The following PPHLN1 variants were observed in gnomAD, a reference collection of about 807,000 sequenced individuals.
PPHLN1 encodes periphilin 1.
In PPHLN1, 29 loss-of-function variants were observed where a neutral mutation model predicts 51.3. That is an observed-to-expected ratio of 0.57 (90% CI 0.42 to 0.77). The LOEUF is 0.77. Ranked by LOEUF, PPHLN1 falls within the 30% of genes least tolerant of loss-of-function variation. The pLI, the probability that PPHLN1 is intolerant of heterozygous loss-of-function variation, is 0.00. For missense variants in PPHLN1, 436 were observed against 438.4 expected (o/e 0.99, Z 0.05); for synonymous variants, 147 against 147.8 (o/e 0.99, Z 0.04).
chr12:42,427,832 G>A (rs1477463755), intron 9 of PPHLN1, among the ~76,000 whole-genome samples: 4 of 152,020 alleles, frequency 2.6e-5, no homozygotes, highest in African/African-American at 9.7e-5. Context: ...AACCCACAGA[G>A]TGGGAGAAGA....
chr12:42,417,192 C>T (rs894275316), intron 9 of PPHLN1, among the ~76,000 whole-genome samples: 1 of 151,960 alleles, frequency 6.6e-6, no homozygotes, highest in Non-Finnish European at 1.5e-5. Flanking sequence ...CTTTTGGGCA[C>T]TTGTGAAAGA....
At chr12:42,366,316 C>T (rs2075271299) in intron 4 of PPHLN1, among the ~76,000 whole-genome samples, 1 of 150,748 alleles carries the variant, frequency 6.6e-6, no homozygotes, top group Non-Finnish European at 1.5e-5. Flanking sequence ...CAGCTTTCAC[C>T]TCCCAGGTTC....
At chr12:42,446,080 G>A (rs1209313193), downstream of PPHLN1, 20 of 1,550,730 alleles carry the variant, frequency 1.3e-5, no homozygotes, top group Admixed American at 2.6e-4. Context: ...CGCAGCCCCC[G>A]CAGGCCCCGC....
chr12:42,361,817 G>T (rs979893290), intron 4 of PPHLN1: 8 of 152,314 alleles, frequency 5.3e-5, no homozygotes, highest in African/African-American at 1.9e-4. Flanking sequence ...TTTTGGCATT[G>T]TGAATAATGC....
At chr12:42,362,951 T>C (rs2074860160) in intron 4 of PPHLN1, among the ~76,000 whole-genome samples, 2 of 152,278 alleles carry the variant, frequency 1.3e-5, no homozygotes, top group South Asian at 4.1e-4. Context: ...GCTTATTGCT[T>C]GGTGTAAAAA....
intron 9 of PPHLN1, among the ~76,000 whole-genome samples, chr12:42,425,742 G>C (rs1408374978): frequency 6.6e-6 from 1 of 152,156 alleles, no homozygotes; most frequent in Non-Finnish European, 1.5e-5. Context: ...TGCATCATGG[G>C]TAACAAAAAA....
At chr12:42,435,993 A>G (rs543115462) in intron 9 of PPHLN1, among the ~76,000 whole-genome samples, 2 of 152,356 alleles carry the variant, frequency 1.3e-5, no homozygotes, top group East Asian at 3.9e-4. Flanking sequence ...TATTTCACTA[A>G]TTAAAAATAA....
At chr12:42,356,826 A>G (rs2074094387) in intron 4 of PPHLN1, among the ~76,000 whole-genome samples, 1 of 152,224 alleles carries the variant, frequency 6.6e-6, no homozygotes, top group Non-Finnish European at 1.5e-5. Context: ...CTTCCACTCA[A>G]CATGGTAACA....
At chr12:42,434,213 G>C (rs1165899487) in intron 9 of PPHLN1, among the ~76,000 whole-genome samples, 2 of 152,128 alleles carry the variant, frequency 1.3e-5, no homozygotes, top group African/African-American at 4.8e-5. Context: ...GTTCTCATTT[G>C]TAAGTGGGAT....
downstream of PPHLN1, chr12:42,442,568 C>A: frequency 1.9e-6 from 3 of 1,593,860 alleles, no homozygotes; most frequent in Non-Finnish European, 1.7e-6. Flanking sequence ...TGCGCTAAAG[C>A]CGGCAGTCCC....
At chr12:42,330,330 T>C (rs1359334648) in intron 1 of PPHLN1, among the ~76,000 whole-genome samples, 1 of 152,200 alleles carries the variant, frequency 6.6e-6, no homozygotes, top group Non-Finnish European at 1.5e-5. Context: ...CCTCTTTTAC[T>C]GATCCTCCTC....
At chr12:42,404,804 C>A (rs750452161) in intron 9 of PPHLN1, among the ~76,000 whole-genome samples, 6 of 152,090 alleles carry the variant, frequency 3.9e-5, no homozygotes, top group Admixed American at 6.5e-5. Context: ...CTGAAGCAGG[C>A]GGATCACAAG....
chr12:42,326,227 T>G lies in PPHLN1; in HGVS notation c.-23T>G, dbSNP rs1366717694. 2.6e-5 allele frequency: 4 copies of G among 151,782 alleles called. No homozygotes were observed. Among genetic ancestry groups the G allele is most frequent in the Admixed American group, 6.6e-5 (1 of 15,254 alleles). 9.4% of individuals were successfully genotyped at this position (151,782 alleles called of 1,614,324 possible). A position where few individuals can be genotyped will look rare whatever the true frequency, so the allele number is the denominator to read the frequency against. ...TACGGGGTCTCCCGGAGGGCCAGAGTCGGTGAGCGCTTTTTACCTTTCCCA... is the reference window on the plus strand; with the variant it reads ...TACGGGGTCTCCCGGAGGGCCAGAGGCGGTGAGCGCTTTTTACCTTTCCCA... On this transcript the variant is annotated splice_region_variant and 5_prime_UTR_variant, in exon 1 of 10. Coordinates refer to ENST00000358314, the MANE Select transcript of PPHLN1 (RefSeq NM_201439.2).
At chr12:42,388,874 TG>T (rs1565907740) in intron 7 of PPHLN1, among the ~76,000 whole-genome samples, 1 of 152,152 alleles carries the variant, frequency 6.6e-6, no homozygotes, top group Non-Finnish European at 1.5e-5. Flanking sequence ...CCCAGGAGGT[TG>T]AGCCAGCAGT....
chr12:42,329,359 C>A (rs2069335746), intron 1 of PPHLN1, among the ~76,000 whole-genome samples: 1 of 152,120 alleles, frequency 6.6e-6, no homozygotes, highest in Admixed American at 6.5e-5. Flanking sequence ...CCCCCCTCGG[C>A]CTCCCAAAGT....
intron 7 of PPHLN1, among the ~76,000 whole-genome samples, chr12:42,392,252 C>T (rs2139166381): frequency 6.6e-6 from 1 of 152,262 alleles, no homozygotes; most frequent in Middle Eastern, 3.4e-3. Flanking sequence ...ATTTAAGTCC[C>T]AGCTCAGCAT....
intron 5 of PPHLN1, among the ~76,000 whole-genome samples, chr12:42,382,871 T>C (rs1026642964): frequency 6.6e-6 from 1 of 152,160 alleles, no homozygotes; most frequent in African/African-American, 2.4e-5. Flanking sequence ...GACCTTTTAG[T>C]TTTACACGAG....
chr12:42,421,696 G>A (rs1376871323), intron 9 of PPHLN1, among the ~76,000 whole-genome samples: 1 of 152,162 alleles, frequency 6.6e-6, no homozygotes, highest in East Asian at 1.9e-4. Flanking sequence ...GAAGCAGCCA[G>A]GGAAATGCAG....
chr12:42,403,465 T>TA (rs1185493447), intron 9 of PPHLN1, among the ~76,000 whole-genome samples: 1 of 152,234 alleles, frequency 6.6e-6, no homozygotes, highest in African/African-American at 2.4e-5. Flanking sequence ...CTTGTTGAAG[T>TA]AAAAGTATAA....
Sources: gnomAD v4.1 joint callset for allele counts (sites outside exome capture counted in the v4.1 genomes callset) on GRCh38, gnomAD v4.1.1 for gene constraint, MANE v1.5 for transcripts, NCBI Gene and HGNC (gene_info 2026-07-23, HGNC 2026-07-21) for gene names.